Variants in XRCC5 observed in about 807,000 individuals in gnomAD.
XRCC5 encodes DNA repair protein Ku80.
In XRCC5, 12 loss-of-function variants were observed where a neutral mutation model predicts 95.7. That is an observed-to-expected ratio of 0.13 (90% CI 0.08 to 0.20). XRCC5 has a LOEUF of 0.20. Ranked by LOEUF, XRCC5 falls within the 10% of genes least tolerant of loss-of-function variation. XRCC5 has a pLI of 1.00. For synonymous variants in XRCC5, 281 were observed against 290.3 expected, an observed-to-expected ratio of 0.97 and a Z score of 0.33; for missense variants, 595 against 873.9, an observed-to-expected ratio of 0.68 and a Z score of 4.02.
At chr2:216,131,863 A>G (rs955369912) in intron 9 of XRCC5, among the ~76,000 whole-genome samples, 6 of 152,168 alleles carry the variant, frequency 3.9e-5, no homozygotes, top group Non-Finnish European at 7.4e-5. Flanking sequence ...CCAGACTTCT[A>G]TTGATACTGT....
intron 5 of XRCC5, 127 bp downstream of exon 5, chr2:216,119,292 A>ATGAC (rs1374559630): frequency 1.0e-6 from 1 of 955,670 alleles, no homozygotes; most frequent in African/African-American, 1.6e-5. Context: ...AATCTGTCAG[A>ATGAC]TGACTGACTA....
chr2:216,126,077 T>C (rs915787235), intron 7 of XRCC5, 46 bp downstream of exon 7: 1 of 1,445,328 alleles, frequency 6.9e-7, no homozygotes, highest in Non-Finnish European at 9.7e-7. Context: ...ACCAGGCAGA[T>C]AAATATGTGT....
At chr2:216,158,772 T>C (rs41301692) in intron 14 of XRCC5, among the ~76,000 whole-genome samples, 1,746 of 152,324 alleles carry the variant, frequency 0.011, 36 homozygotes, top group African/African-American at 0.04. Context: ...CATGGATGTA[T>C]GGCTGTGATG....
chr2:216,175,389 C>T, intron 16 of XRCC5: 1 of 506,646 alleles, frequency 2.0e-6, no homozygotes, highest in Non-Finnish European at 3.9e-6. Context: ...TTGTCAGATC[C>T]ACCTCCATCA....
At chr2:216,111,898 C>A (rs549863156) in intron 1 of XRCC5, among the ~76,000 whole-genome samples, 1 of 152,284 alleles carries the variant, frequency 6.6e-6, no homozygotes, top group South Asian at 2.1e-4. Context: ...GGACTAGATC[C>A]CAGGTCTCCC....
At chr2:216,186,256 T>C (rs767672303) in intron 16 of XRCC5, among the ~76,000 whole-genome samples, 5 of 152,216 alleles carry the variant, frequency 3.3e-5, no homozygotes, top group Non-Finnish European at 5.9e-5. Context: ...GAGGCAGACA[T>C]GCACATGGCC....
At chr2:216,183,920 T>C (rs1270192978) in intron 16 of XRCC5, among the ~76,000 whole-genome samples, 1 of 152,080 alleles carries the variant, frequency 6.6e-6, no homozygotes, top group African/African-American at 2.4e-5. Context: ...GAATATTTCA[T>C]TAAAGACCAT....
chr2:216,129,615 T>G (rs1001621090), intron 8 of XRCC5, among the ~76,000 whole-genome samples: 4 of 152,182 alleles, frequency 2.6e-5, no homozygotes, highest in African/African-American at 9.7e-5. Flanking sequence ...CCCTGTTAAT[T>G]TTTTGTTGGA....
chr2:216,159,049 T>C (rs748771663), intron 14 of XRCC5, among the ~76,000 whole-genome samples: 14 of 152,228 alleles, frequency 9.2e-5, no homozygotes, highest in Non-Finnish European at 1.8e-4. Context: ...ATAATGCATA[T>C]GATAATTAGC....
rs1183580770 is a variant in XRCC5, at chr2:216,133,342, T to C, written c.1113+955T>C. On this transcript the variant is annotated intron_variant, in intron 10 of 20. Coordinates refer to ENST00000392132, the MANE Select transcript of XRCC5 (RefSeq NM_021141.4). Reference sequence around the variant, plus strand: ...AAACCACAACTTAGCTGAAGTTTTATTTTGTTTTGTTTTTTTAAGAGACAA... The same window carrying C: ...AAACCACAACTTAGCTGAAGTTTTACTTTGTTTTGTTTTTTTAAGAGACAA... 1.1e-4 allele frequency among the ~76,000 whole-genome samples: 16 copies of C among 152,202 alleles called. 1 individual carries two copies. Among genetic ancestry groups the C allele is most frequent in the Admixed American group, 1.0e-3 (16 of 15,278 alleles).
intron 18 of XRCC5, among the ~76,000 whole-genome samples, chr2:216,193,202 A>G (rs1040557793): frequency 9.2e-5 from 14 of 152,054 alleles, no homozygotes; most frequent in Admixed American, 2.0e-4. Context: ...ATGTACCAAA[A>G]CCATTCAGTT....
At chr2:216,182,382 A>C (rs953812266) in intron 16 of XRCC5, among the ~76,000 whole-genome samples, 5 of 152,196 alleles carry the variant, frequency 3.3e-5, no homozygotes, top group African/African-American at 1.2e-4. Context: ...ATGAAGCTAG[A>C]TAGATACTAT....
At chr2:216,162,774 C>T (rs1688976560) in intron 16 of XRCC5, among the ~76,000 whole-genome samples, 1 of 152,186 alleles carries the variant, frequency 6.6e-6, no homozygotes, top group African/African-American at 2.4e-5. Flanking sequence ...CTAGAAAGAC[C>T]TTGATGCTGC....
At chr2:216,204,531 ACCATTATATATTG>A in intron 20 of XRCC5, 135 bp downstream of exon 20, 1 of 828,774 alleles carries the variant, frequency 1.2e-6, no homozygotes, top group Non-Finnish European at 1.9e-6. Context: ...AGCTTCCTAC[ACCATTATATATTG>A]CCATTATAAA....
At chr2:216,190,420 C>A in intron 17 of XRCC5, 86 bp downstream of exon 17, 3 of 1,194,648 alleles carry the variant, frequency 2.5e-6, no homozygotes, top group South Asian at 2.7e-5. Context: ...GGAAATGAGT[C>A]TGGGCCGTGG....
chr2:216,114,473 A>G (rs1378731181), intron 2 of XRCC5, among the ~76,000 whole-genome samples: 2 of 152,008 alleles, frequency 1.3e-5, no homozygotes, highest in Non-Finnish European at 2.9e-5. Flanking sequence ...GTCCCCTGGT[A>G]TGCTGTTAGA....
intron 6 of XRCC5, among the ~76,000 whole-genome samples, chr2:216,125,517 C>T (rs1696887614): frequency 6.6e-6 from 1 of 152,166 alleles, no homozygotes; most frequent in Non-Finnish European, 1.5e-5. Context: ...TTCTTATCCT[C>T]AGGTCCGTGG....
chr2:216,126,748 G>A (rs1574456215), intron 7 of XRCC5, among the ~76,000 whole-genome samples: 1 of 151,990 alleles, frequency 6.6e-6, no homozygotes, highest in South Asian at 2.1e-4. Context: ...CAAAATACAT[G>A]ATATATCTGT....
chr2:216,116,622 C>G (rs1331270834), intron 2 of XRCC5, 37 bp from the exon 3 acceptor site: 2 of 1,612,630 alleles, frequency 1.2e-6, no homozygotes, highest in Admixed American at 3.3e-5. Flanking sequence ...CCAGATTGTT[C>G]TAATATGGTT....
Sources: gnomAD v4.1 joint callset for allele counts (sites outside exome capture counted in the v4.1 genomes callset) on GRCh38, gnomAD v4.1.1 for gene constraint, MANE v1.5 for transcripts, NCBI Gene and HGNC (gene_info 2026-07-23, HGNC 2026-07-21) for gene names.